The following SPIRE1 variants were observed in gnomAD, a reference collection of about 807,000 sequenced individuals.
SPIRE1 encodes protein spire homolog 1.
In SPIRE1, 40 loss-of-function variants were observed where a neutral mutation model predicts 94.1. The observed-to-expected ratio is 0.43, with a 90% CI of 0.33 to 0.55. The LOEUF is 0.55. Among genes scored for constraint, SPIRE1 ranks in the 20% least tolerant of loss-of-function variants. SPIRE1 has a pLI of 0.06. For synonymous variants in SPIRE1, 376 were observed against 371.7 expected, an observed-to-expected ratio of 1.01 and a Z score of -0.13; for missense variants, 838 against 975.2, an observed-to-expected ratio of 0.86 and a Z score of 1.87.
At chr18:12,657,095 C>T (rs1163884505) in intron 1 of SPIRE1, among the ~76,000 whole-genome samples, 1 of 151,424 alleles carries the variant, frequency 6.6e-6, no homozygotes, top group East Asian at 1.9e-4. Context: ...CCGTGCGGAG[C>T]CCCCGCGTGA....
intron 14 of SPIRE1, 76 bp downstream of exon 14, chr18:12,452,992 G>T (rs767553892): frequency 4.4e-6 from 4 of 910,130 alleles, no homozygotes; most frequent in Non-Finnish European, 6.7e-6. Flanking sequence ...TAGAAAGATG[G>T]TGAAATAAGG....
chr18:12,651,315 T>G (rs761393340), intron 1 of SPIRE1, among the ~76,000 whole-genome samples: 5 of 152,182 alleles, frequency 3.3e-5, no homozygotes, highest in Non-Finnish European at 5.9e-5. Context: ...CTTCATATAT[T>G]CCTTTCCTTT....
chr18:12,471,384 CTTTTTT>C (rs975751031), intron 10 of SPIRE1, among the ~76,000 whole-genome samples: 1 of 137,666 alleles, frequency 7.3e-6, no homozygotes, highest in Non-Finnish European at 1.6e-5. Context: ...TGGTTTCTTT[CTTTTTT>C]TTTTTTTTTT....
chr18:12,655,566 A>G (rs1419018704), intron 1 of SPIRE1, among the ~76,000 whole-genome samples: 2 of 152,208 alleles, frequency 1.3e-5, no homozygotes, highest in African/African-American at 4.8e-5. Context: ...TTATAAACCT[A>G]TTGCGAATTG....
At chr18:12,594,682 T>C (rs2036622818) in intron 2 of SPIRE1, among the ~76,000 whole-genome samples, 1 of 152,232 alleles carries the variant, frequency 6.6e-6, no homozygotes, top group African/African-American at 2.4e-5. Context: ...CCTCTTATTA[T>C]AAAAACTAGT....
chr18:12,469,684 A>C (rs1310278414), intron 10 of SPIRE1, among the ~76,000 whole-genome samples: 1 of 143,940 alleles, frequency 6.9e-6, no homozygotes, highest in African/African-American at 2.5e-5. Flanking sequence ...TATATATAAC[A>C]TATATAATTT....
intron 2 of SPIRE1, among the ~76,000 whole-genome samples, chr18:12,598,419 C>T (rs993060903): frequency 6.6e-6 from 1 of 152,006 alleles, no homozygotes; most frequent in South Asian, 2.1e-4. Context: ...CAGTATCTGT[C>T]CTAACATATT....
intron 1 of SPIRE1, among the ~76,000 whole-genome samples, chr18:12,657,248 T>A (rs2038569835): frequency 6.8e-6 from 1 of 147,838 alleles, no homozygotes; most frequent in Middle Eastern, 3.8e-3. Flanking sequence ...GGCAGCACAA[T>A]GACGAGCGCC....
chr18:12,659,659 G>A (rs965236178), upstream of SPIRE1, among the ~76,000 whole-genome samples: 1 of 152,092 alleles, frequency 6.6e-6, no homozygotes, highest in Non-Finnish European at 1.5e-5. Context: ...GACAGAGCGA[G>A]AGTCTGTCTC....
chr18:12,594,230 T>C (rs752090613), intron 2 of SPIRE1, among the ~76,000 whole-genome samples: 5 of 152,088 alleles, frequency 3.3e-5, no homozygotes, highest in Non-Finnish European at 5.9e-5. Context: ...TATGGATCAA[T>C]ACCACCAAAG....
At chr18:12,614,254 C>T (rs533129839) in intron 2 of SPIRE1, among the ~76,000 whole-genome samples, 8 of 151,836 alleles carry the variant, frequency 5.3e-5, no homozygotes, top group Non-Finnish European at 1.2e-4. Flanking sequence ...GAGTGAGAAC[C>T]CATCTCTAAA....
intron 9 of SPIRE1, among the ~76,000 whole-genome samples, chr18:12,482,402 C>CAA (rs2032875266): frequency 6.6e-6 from 1 of 152,080 alleles, no homozygotes; most frequent in Admixed American, 6.5e-5. Flanking sequence ...CTCAGCCTCC[C>CAA]AAAGTGCTGG....
chr18:12,510,527 AC>A (rs1169904810), intron 5 of SPIRE1, among the ~76,000 whole-genome samples: 1 of 151,244 alleles, frequency 6.6e-6, no homozygotes, highest in Non-Finnish European at 1.5e-5. Flanking sequence ...TTCCCCCAAT[AC>A]CTGGACTTCA....
At chr18:12,658,544 G>A (rs767884689), upstream of SPIRE1, 10 of 470,730 alleles carry the variant, frequency 2.1e-5, no homozygotes, top group South Asian at 1.6e-4. Context: ...CTGCACAGCG[G>A]GAGAAGTCAC....
chr18:12,657,192 G>T (rs548920923), intron 1 of SPIRE1, among the ~76,000 whole-genome samples: 3 of 151,198 alleles, frequency 2.0e-5, no homozygotes, highest in Non-Finnish European at 4.5e-5. Context: ...CCCGGAGCAG[G>T]GCCCAGCCCA....
upstream of SPIRE1, chr18:12,662,082 CTCTGAG>C (rs1005347557): frequency 2.4e-6 from 1 of 418,892 alleles, no homozygotes; most frequent in African/African-American, 2.1e-5. Flanking sequence ...GGCTGTGCTG[CTCTGAG>C]TCTTTCAGGG....
chr18:12,511,560 T>G (rs932671381), intron 5 of SPIRE1, among the ~76,000 whole-genome samples: 22 of 152,188 alleles, frequency 1.4e-4, no homozygotes, highest in African/African-American at 5.1e-4. Flanking sequence ...TTAACATAAT[T>G]GGAAATATTA....
chr18:12,490,159 A>G (rs1056290889), intron 8 of SPIRE1, among the ~76,000 whole-genome samples: 3 of 152,214 alleles, frequency 2.0e-5, no homozygotes, highest in African/African-American at 7.2e-5. Context: ...TTTCTGTAAC[A>G]GCTCAATTCT....
Position 12,615,345 on chromosome 18 carries a change from A to AAAAATATATAT in SPIRE1, c.372+19716_372+19717insATATATATTTT. Among the ~76,000 whole-genome samples, 4 of 17,238 alleles carry AAAAATATATAT rather than the reference A, an allele frequency of 2.3e-4. 1 individual carries two copies. Among genetic ancestry groups the AAAAATATATAT allele is most frequent in the Admixed American group, 5.9e-4 (1 of 1,698 alleles). The allele number at this position is 17,238 out of a possible 152,430, so 11.3% of individuals were successfully genotyped here. ...TCTGTCTCAAAAAAAAAAAAAAAAA[A>AAAAATATATAT]ATATATATATATATATATATATATA... On this transcript the variant is annotated intron_variant, in intron 2 of 16. Coordinates refer to ENST00000409402, the MANE Select transcript of SPIRE1 (RefSeq NM_001128626.2).
Sources: gnomAD v4.1 joint callset for allele counts (sites outside exome capture counted in the v4.1 genomes callset) on GRCh38, gnomAD v4.1.1 for gene constraint, MANE v1.5 for transcripts, NCBI Gene and HGNC (gene_info 2026-07-23, HGNC 2026-07-21) for gene names.